The following COP1 variants were observed in gnomAD, a reference collection of about 807,000 sequenced individuals.
The protein encoded by COP1 is E3 ubiquitin-protein ligase COP1.
Under a neutral mutation model 101.3 loss-of-function variants are expected in COP1, and 24 were observed. That is an observed-to-expected ratio of 0.24 (90% confidence interval 0.17 to 0.33). The LOEUF (loss-of-function observed/expected upper bound fraction) is 0.33, where lower values mean the gene tolerates loss of function less well. Among genes scored for constraint, COP1 ranks in the 10% least tolerant of loss-of-function variants. The pLI is 1.00. For synonymous variants in COP1, 347 were observed against 341.9 expected, an observed-to-expected ratio of 1.01 and a Z score of -0.17; for missense variants, 663 against 906.2, an observed-to-expected ratio of 0.73 and a Z score of 3.45.
intron 6 of COP1, among the ~76,000 whole-genome samples, chr1:176,145,125 A>G (rs933624679): frequency 2.6e-5 from 4 of 152,178 alleles, no homozygotes; most frequent in South Asian, 2.1e-4. Context: ...GACAAGATGT[A>G]TATCTAGAAT....
intron 15 of COP1, among the ~76,000 whole-genome samples, chr1:176,001,110 C>T (rs760737699): frequency 6.6e-6 from 1 of 152,016 alleles, no homozygotes; most frequent in Non-Finnish European, 1.5e-5. Flanking sequence ...CAGCTCACTA[C>T]CAAAGCGCAT....
At chr1:176,119,016 A>G (rs1250721293) in intron 8 of COP1, among the ~76,000 whole-genome samples, 8 of 152,362 alleles carry the variant, frequency 5.3e-5, no homozygotes, top group Non-Finnish European at 8.8e-5. Context: ...TTCCTATAGC[A>G]AAACTCAATT....
At chr1:176,077,937 G>A (rs1182758730) in intron 11 of COP1, among the ~76,000 whole-genome samples, 1 of 151,888 alleles carries the variant, frequency 6.6e-6, no homozygotes, top group Non-Finnish European at 1.5e-5. Flanking sequence ...ACTCATCTAA[G>A]CAAGGAGGTG....
chr1:176,052,155 C>T (rs970644409), intron 11 of COP1, among the ~76,000 whole-genome samples: 9 of 152,162 alleles, frequency 5.9e-5, no homozygotes, highest in African/African-American at 1.9e-4. Flanking sequence ...CAGTTTCTAT[C>T]TGGTATATCC....
chr1:176,170,832 A>C (rs947413497), intron 3 of COP1, among the ~76,000 whole-genome samples: 1 of 152,152 alleles, frequency 6.6e-6, no homozygotes, highest in African/African-American at 2.4e-5. Context: ...TTCTTCCAAA[A>C]GAAGTCTGTT....
chr1:175,953,159 G>A (rs1650167393), intron 18 of COP1, among the ~76,000 whole-genome samples: 1 of 151,870 alleles, frequency 6.6e-6, no homozygotes, highest in Admixed American at 6.6e-5. Flanking sequence ...TTATAAAGTG[G>A]TATCATATAA....
intron 8 of COP1, among the ~76,000 whole-genome samples, chr1:176,127,591 ATGTG>A (rs934122846): frequency 1.2e-4 from 6 of 52,006 alleles, no homozygotes; most frequent in Admixed American, 5.6e-4. Flanking sequence ...GTGTGTGTGT[ATGTG>A]TATATATGTG....
At chr1:176,144,375 C>A (rs1376438104) in intron 6 of COP1, among the ~76,000 whole-genome samples, 1 of 151,950 alleles carries the variant, frequency 6.6e-6, no homozygotes, top group Non-Finnish European at 1.5e-5. Context: ...ATGACTAAAT[C>A]TAAAATAAAG....
chr1:176,060,539 A>C (rs774169908), intron 11 of COP1, among the ~76,000 whole-genome samples: 1 of 152,220 alleles, frequency 6.6e-6, no homozygotes, highest in Non-Finnish European at 1.5e-5. Context: ...ATGAAGCTAA[A>C]ATTTCAATTC....
chr1:176,147,820 C>T (rs1691793999), intron 6 of COP1, among the ~76,000 whole-genome samples: 1 of 152,168 alleles, frequency 6.6e-6, no homozygotes, highest in South Asian at 2.1e-4. Flanking sequence ...AGGAATTCTC[C>T]ATTATCTCTC....
At chr1:176,106,524 G>C (rs963239958) in intron 9 of COP1, among the ~76,000 whole-genome samples, 1 of 152,194 alleles carries the variant, frequency 6.6e-6, no homozygotes. Flanking sequence ...CAGTGCTTGA[G>C]ATATTTTGCA....
chr1:176,118,658 A>G (rs879321786), intron 8 of COP1, among the ~76,000 whole-genome samples: 27 of 152,242 alleles, frequency 1.8e-4, no homozygotes, highest in Admixed American at 1.8e-3. Flanking sequence ...CAGGAGGGTG[A>G]GGTAGGAAGA....
chr1:176,193,441 T>A lies in COP1; in HGVS notation c.408-8749A>T, dbSNP rs554299544. On this transcript the variant is annotated intron_variant, in intron 1 of 19. Coordinates refer to ENST00000367669, the MANE Select transcript of COP1 (RefSeq NM_022457.7). ...GTAAATGCCCCAGAGACTAGAAACA[T>A]GTGTTAAAACAAAAACTCATACACA... 3.8e-5 allele frequency among the ~76,000 whole-genome samples: 5 copies of A among 131,784 alleles called. 1 individual carries two copies. The highest frequency in any genetic ancestry group is 1.3e-4 in the African/African-American group (5 of 38,900). The allele number at this position is 131,784 out of a possible 152,430, so 86.5% of individuals were successfully genotyped here. A position where few individuals can be genotyped will look rare whatever the true frequency, so the allele number is the denominator to read the frequency against.
Position 176,143,378 on chromosome 1 carries a change from C to T in COP1, c.831+5628G>A, listed in dbSNP as rs564850007. On this transcript the variant is annotated intron_variant, in intron 6 of 19. Transcript: ENST00000367669. ...ACAGATTCAATAACTTAAAACTTCC[C>T]GCAAACAATCACAGGTCTAGACTGC... Among the ~76,000 whole-genome samples the T allele has an allele frequency of 2.6e-4, 40 of 152,072 alleles. 1 individual carries two copies. Among genetic ancestry groups the T allele is most frequent in the East Asian group, 2.1e-3 (11 of 5,182 alleles).
chr1:176,146,007 C>T (rs907785860), intron 6 of COP1, among the ~76,000 whole-genome samples: 4 of 152,244 alleles, frequency 2.6e-5, no homozygotes, highest in African/African-American at 7.2e-5. Flanking sequence ...GGTTTATATA[C>T]TTTTTTGTGT....
intron 11 of COP1, among the ~76,000 whole-genome samples, chr1:176,048,354 A>T (rs74961189): frequency 2.0e-5 from 3 of 151,908 alleles, no homozygotes. Flanking sequence ...TAAAAAAAAA[A>T]TTTATTCAGT....
chr1:176,195,487 T>C (rs936416357), intron 1 of COP1, among the ~76,000 whole-genome samples: 3 of 152,204 alleles, frequency 2.0e-5, no homozygotes, highest in African/African-American at 7.2e-5. Flanking sequence ...TTGACATGTA[T>C]AGAACCTCAG....
chr1:175,984,266 T>C (rs1420377623), intron 18 of COP1, among the ~76,000 whole-genome samples: 1 of 152,160 alleles, frequency 6.6e-6, no homozygotes, highest in Non-Finnish European at 1.5e-5. Flanking sequence ...TGGTGTCCTG[T>C]GTCCCTGCCG....
intron 6 of COP1, among the ~76,000 whole-genome samples, chr1:176,141,237 C>CA (rs1385865186): frequency 6.6e-6 from 1 of 152,200 alleles, no homozygotes; most frequent in Non-Finnish European, 1.5e-5. Context: ...TGCGGTGGCT[C>CA]ACGCCTGTAA....
Sources: allele counts gnomAD v4.1 joint callset (sites outside exome capture counted in the v4.1 genomes callset), GRCh38; gene constraint gnomAD v4.1.1; transcripts MANE v1.5; gene names NCBI Gene and HGNC (gene_info 2026-07-23, HGNC 2026-07-21).